HDAC8: variants seen among roughly 807,000 people sequenced by gnomAD.
The protein encoded by HDAC8 is histone deacetylase-like 1.
In HDAC8, 1 loss-of-function variant was observed where a neutral mutation model predicts 32.2. The ratio of observed to expected loss-of-function variants is 0.03; its 90% confidence interval spans 0.01 to 0.15. HDAC8 has a LOEUF of 0.15. HDAC8 is among the 10% of genes least tolerant of loss of function. The pLI is 1.00. For synonymous variants in HDAC8, 108 were observed against 113.9 expected, an observed-to-expected ratio of 0.95 and a Z score of 0.33; for missense variants, 117 against 300.0, an observed-to-expected ratio of 0.39 and a Z score of 4.51.
At position 72,358,330 on chromosome X, in the gene HDAC8, T is replaced by A. The variant is rs7889819; in HGVS notation, c.1006-6492A>T. Among the ~76,000 whole-genome samples, 662 of 111,900 alleles carry A rather than the reference T, an allele frequency of 5.9e-3. 8 individuals are homozygous for A. The highest frequency in any genetic ancestry group is 0.021 in the African/African-American group (634 of 30,843). ...TCACCTTTTCACTAAAGGAAGTACT[T>A]TATGGTTTCTCTTTGGCATATCCGA... On this transcript the variant is annotated intron_variant, in intron 9 of 10. Transcript: ENST00000373573.
chrX:72,552,377 G>A (rs1402384299), intron 4 of HDAC8, among the ~76,000 whole-genome samples: 2 of 111,571 alleles, frequency 1.8e-5, no homozygotes, highest in African/African-American at 3.3e-5. Flanking sequence ...TTGGGAGGCC[G>A]AGGCAGGTAG....
At chrX:72,555,398 C>T (rs1419431369) in intron 4 of HDAC8, among the ~76,000 whole-genome samples, 1 of 111,733 alleles carries the variant, frequency 8.9e-6, no homozygotes, top group African/African-American at 3.3e-5. Flanking sequence ...CAAACCAAGA[C>T]AAAAATCCCT....
intron 10 of HDAC8, among the ~76,000 whole-genome samples, chrX:72,331,533 T>A (rs1249601051): frequency 1.8e-5 from 2 of 111,720 alleles, no homozygotes; most frequent in Non-Finnish European, 3.8e-5. Context: ...CATAATGCCT[T>A]TGAGGTTCAT....
intron 9 of HDAC8, among the ~76,000 whole-genome samples, chrX:72,435,050 G>T (rs2046912860): frequency 8.9e-6 from 1 of 112,391 alleles, no homozygotes; most frequent in Non-Finnish European, 1.9e-5. Context: ...AATTTCAAAA[G>T]GTACCAGAAG....
chrX:72,398,749 TTTTCTTTTTTTTC>T (rs1344131809), intron 9 of HDAC8, among the ~76,000 whole-genome samples: 3 of 111,080 alleles, frequency 2.7e-5, no homozygotes, highest in Non-Finnish European at 5.7e-5. Flanking sequence ...TAGGGTTTTT[TTTTCTTTTTTTTC>T]TTTCTTTTTT....
intron 4 of HDAC8, chrX:72,567,674 G>C: frequency 8.9e-7 from 1 of 1,126,543 alleles, no homozygotes; most frequent in Non-Finnish European, 1.2e-6. Context: ...GAAAAACTAG[G>C]TGTAGAGCCC....
At chrX:72,411,030 C>CTTTCT (rs1555970040) in intron 9 of HDAC8, among the ~76,000 whole-genome samples, 2 of 83,581 alleles carry the variant, frequency 2.4e-5, no homozygotes, top group Non-Finnish European at 4.3e-5. Flanking sequence ...TTCTTTCTTT[C>CTTTCT]TTTTTTTTTT....
At chrX:72,438,757 T>A (rs1325649144) in intron 9 of HDAC8, among the ~76,000 whole-genome samples, 1 of 110,351 alleles carries the variant, frequency 9.1e-6, no homozygotes, top group Admixed American at 9.6e-5. Context: ...GAAGACAAGA[T>A]TAGAGAAAAA....
At chrX:72,443,230 A>T (rs1260047916) in intron 9 of HDAC8, among the ~76,000 whole-genome samples, 1 of 110,259 alleles carries the variant, frequency 9.1e-6, no homozygotes, top group Non-Finnish European at 1.9e-5. Context: ...AACAGAATAT[A>T]CATTTTTTTC....
rs782655816 is a variant in HDAC8 at position 72,416,728 on chromosome X, C to T, written c.1005+45276G>A. Among the ~76,000 whole-genome samples the T allele has an allele frequency of 4.6e-4, 49 of 107,044 alleles. 1 individual carries two copies. Among genetic ancestry groups the T allele is most frequent in the African/African-American group, 1.3e-3 (37 of 28,963 alleles). The allele number at this position is 107,044 out of a possible 115,157, so 93.0% of individuals were successfully genotyped here. A position where few individuals can be genotyped will look rare whatever the true frequency, so the allele number is the denominator to read the frequency against. On this transcript the variant is annotated intron_variant, in intron 9 of 10. Transcript: ENST00000373573. ...TAGGTGTGTCCTACATATTTTGACA[C>T]GTTGTCTTTTCATTTTAATTGTTTA...
At chrX:72,380,478 T>C (rs782078571) in intron 9 of HDAC8, among the ~76,000 whole-genome samples, 3 of 112,095 alleles carry the variant, frequency 2.7e-5, no homozygotes, top group African/African-American at 9.7e-5. Flanking sequence ...CTGCTGGTTT[T>C]CACCATGATT....
chrX:72,525,813 CAAAAAAAAAAAAAAAAAAAA>C (rs57801277), intron 4 of HDAC8, among the ~76,000 whole-genome samples: 1 of 21,555 alleles, frequency 4.6e-5, no homozygotes, highest in Admixed American at 1.1e-3. Flanking sequence ...GACTCTGTCT[CAAAAAAAAAAAAAAAAAAAA>C]AAAAAAAAAA....
intron 10 of HDAC8, among the ~76,000 whole-genome samples, chrX:72,346,783 GC>G (rs1555947030): frequency 9.1e-6 from 1 of 109,607 alleles, no homozygotes; most frequent in Non-Finnish European, 1.9e-5. Context: ...AGGGGGCGGG[GC>G]CTAGGGAGGG....
chrX:72,557,051 C>G (rs1212579037), intron 4 of HDAC8, among the ~76,000 whole-genome samples: 1 of 111,219 alleles, frequency 9.0e-6, no homozygotes, highest in Non-Finnish European at 1.9e-5. Context: ...CCCGTCTCTA[C>G]TAAAAATACA....
intron 7 of HDAC8, chrX:72,474,369 A>G: frequency 1.2e-6 from 1 of 843,515 alleles, no homozygotes; most frequent in Non-Finnish European, 1.4e-6. Flanking sequence ...CATAGTAGGC[A>G]TTCAATAAAT....
At chrX:72,484,857 CAG>C (rs1473539483) in intron 7 of HDAC8, among the ~76,000 whole-genome samples, 16 of 112,179 alleles carry the variant, frequency 1.4e-4, no homozygotes, top group Non-Finnish European at 3.0e-4. Flanking sequence ...ATTGTCAACA[CAG>C]AGTTTTAGGT....
chrX:72,440,177 A>G (rs965217489), intron 9 of HDAC8, among the ~76,000 whole-genome samples: 10 of 112,267 alleles, frequency 8.9e-5, no homozygotes, highest in Non-Finnish European at 5.6e-5. Context: ...AACTCACTCA[A>G]TACCACACAA....
intron 9 of HDAC8, among the ~76,000 whole-genome samples, chrX:72,420,319 G>T (rs1047204455): frequency 1.8e-5 from 2 of 111,529 alleles, no homozygotes; most frequent in African/African-American, 3.2e-5. Context: ...GAGTCAGTTT[G>T]GGTAATTTGT....
intron 4 of HDAC8, among the ~76,000 whole-genome samples, chrX:72,518,026 C>T (rs1264502367): frequency 1.8e-5 from 2 of 111,379 alleles, no homozygotes; most frequent in Admixed American, 9.5e-5. Flanking sequence ...CATGAGATCT[C>T]ATTATACATT....
Sources: gnomAD v4.1 joint callset for allele counts (sites outside exome capture counted in the v4.1 genomes callset) on GRCh38, gnomAD v4.1.1 for gene constraint, MANE v1.5 for transcripts, NCBI Gene and HGNC (gene_info 2026-07-23, HGNC 2026-07-21) for gene names.